The following C4orf51 variants were observed in gnomAD, a reference collection of about 807,000 sequenced individuals.
C4orf51 encodes uncharacterized protein C4orf51.
C4orf51 carries 25 observed loss-of-function variants against 25.2 expected under a neutral mutation model. The observed-to-expected ratio is 0.99, with a 90% CI of 0.72 to 1.39. The LOEUF (loss-of-function observed/expected upper bound fraction) is 1.39. Ranked by LOEUF, C4orf51 falls within the 40% of genes most tolerant of loss-of-function variation. The pLI is 0.00. For missense variants in C4orf51, 252 were observed against 239.6 expected (o/e 1.05, Z -0.34); for synonymous variants, 100 against 84.5 (o/e 1.18, Z -1.01).
At chr4:145,719,343 C>T (rs1731591851) in intron 2 of C4orf51, among the ~76,000 whole-genome samples, 1 of 152,156 alleles carries the variant, frequency 6.6e-6, no homozygotes. Flanking sequence ...TGGTGGCTCA[C>T]ACCTGTAATC....
chr4:145,774,171 G>C (rs181168961), downstream of C4orf51, among the ~76,000 whole-genome samples: 126 of 152,268 alleles, frequency 8.3e-4, 1 homozygote, highest in African/African-American at 2.7e-3. Flanking sequence ...GCTTAAATGA[G>C]AGCCAGTGTG....
At chr4:145,779,345 G>C in the C4orf51 span, 1 of 1,609,198 alleles carries the variant, frequency 6.2e-7, no homozygotes, top group Non-Finnish European at 8.5e-7. Flanking sequence ...GAGCATAGAG[G>C]GCTGACAGCC....
chr4:145,771,806 C>T (rs530277033), downstream of C4orf51, among the ~76,000 whole-genome samples: 27 of 152,326 alleles, frequency 1.8e-4, no homozygotes, highest in African/African-American at 5.8e-4. Context: ...CACAACTTCA[C>T]TTAGGTAACA....
chr4:145,735,561 C>T (rs1031034997), downstream of C4orf51, among the ~76,000 whole-genome samples: 2 of 152,092 alleles, frequency 1.3e-5, no homozygotes, highest in Non-Finnish European at 2.9e-5. Context: ...TGGAATGGGA[C>T]TGATAGGGCT....
chr4:145,687,652 T>C (rs554011815), intron 1 of C4orf51, among the ~76,000 whole-genome samples: 2 of 152,336 alleles, frequency 1.3e-5, no homozygotes, highest in East Asian at 3.9e-4. Context: ...CCAAAATTGT[T>C]TGAAAAGCAA....
intron 2 of C4orf51, among the ~76,000 whole-genome samples, chr4:145,721,216 G>T (rs1317301868): frequency 6.6e-6 from 1 of 151,874 alleles, no homozygotes; most frequent in Non-Finnish European, 1.5e-5. Flanking sequence ...GTGGTGGTGG[G>T]CGCCTATAGT....
intron 2 of C4orf51, among the ~76,000 whole-genome samples, chr4:145,717,142 C>T (rs554785823): frequency 1.4e-3 from 210 of 152,072 alleles, no homozygotes; most frequent in Non-Finnish European, 2.7e-3. Flanking sequence ...TCACCTGTGG[C>T]CTGCTAGACC....
chr4:145,749,571 CTGTTA>C lies in C4orf51; in HGVS notation n.168-4634_168-4630del, dbSNP rs551194786. 1.9e-3 allele frequency among the ~76,000 whole-genome samples: 283 copies of C among 151,542 alleles called. 3 individuals carry two copies. The highest frequency in any genetic ancestry group is 7.1e-3 in the South Asian group (34 of 4,784). ...TTCTTACTTTTTATTTTTTGTGTAT[CTGTTA>C]TATGTTTTTTGGTTTGAAGTTACTA... On this transcript the variant is annotated intron_variant and non_coding_transcript_variant, in intron 1 of 1. Coordinates refer to the C4orf51 transcript ENST00000508981.
At chr4:145,785,974 T>C in the C4orf51 span, among the ~76,000 whole-genome samples, 2 of 152,306 alleles carry the variant, frequency 1.3e-5, no homozygotes, top group East Asian at 1.9e-4. Context: ...AAGTGTAATA[T>C]GTCAAAACTT....
downstream of C4orf51, among the ~76,000 whole-genome samples, chr4:145,733,329 C>G (rs1033858593): frequency 2.6e-5 from 4 of 152,214 alleles, no homozygotes; most frequent in Admixed American, 6.5e-5. Context: ...GATTCCCCCC[C>G]ACCACCGCCC....
intron 4 of C4orf51, among the ~76,000 whole-genome samples, chr4:145,729,573 T>C (rs1278271331): frequency 6.6e-6 from 1 of 152,186 alleles, no homozygotes; most frequent in Non-Finnish European, 1.5e-5. Flanking sequence ...AGTGCTGGGA[T>C]TACAGGCGTG....
intron 2 of C4orf51, among the ~76,000 whole-genome samples, chr4:145,705,455 A>G (rs763623107): frequency 1.1e-4 from 16 of 151,978 alleles, no homozygotes; most frequent in Non-Finnish European, 1.9e-4. Context: ...CTAGCTACCT[A>G]CTGTAACATT....
intron 1 of C4orf51, among the ~76,000 whole-genome samples, chr4:145,693,341 G>A (rs1410889681): frequency 1.3e-5 from 2 of 150,784 alleles, no homozygotes; most frequent in Non-Finnish European, 3.0e-5. Flanking sequence ...GAGAGCACAG[G>A]GTTGGGGGTA....
At chr4:145,788,846 T>C in the C4orf51 span, among the ~76,000 whole-genome samples, 1 of 152,260 alleles carries the variant, frequency 6.6e-6, no homozygotes, top group Admixed American at 6.5e-5. Flanking sequence ...TAATCAGGCC[T>C]GAAAATCATG....
chr4:145,729,580 C>T (rs912169573), intron 4 of C4orf51, among the ~76,000 whole-genome samples: 13 of 152,280 alleles, frequency 8.5e-5, no homozygotes, highest in African/African-American at 2.2e-4. Context: ...GGATTACAGG[C>T]GTGAGCCACC....
intron 2 of C4orf51, among the ~76,000 whole-genome samples, chr4:145,719,970 T>G (rs979120636): frequency 3.9e-5 from 6 of 152,078 alleles, no homozygotes; most frequent in African/African-American, 7.2e-5. Flanking sequence ...CTTAGCAATG[T>G]GAGTATCTCG....
intron 1 of C4orf51, among the ~76,000 whole-genome samples, chr4:145,687,009 GGC>G (rs372166578): frequency 0.26 from 38,630 of 147,802 alleles, 5,526 homozygotes; most frequent in African/African-American, 0.39. Context: ...TTGTGGGGGG[GGC>G]GGTTTCCTTC....
At chr4:145,731,785 T>C (rs1732496605) in intron 5 of C4orf51, among the ~76,000 whole-genome samples, 1 of 151,980 alleles carries the variant, frequency 6.6e-6, no homozygotes, top group African/African-American at 2.4e-5. Flanking sequence ...TTTCACTGTG[T>C]TGGCCAGGCT....
chr4:145,711,397 A>G (rs1731119463), intron 2 of C4orf51, among the ~76,000 whole-genome samples: 1 of 152,144 alleles, frequency 6.6e-6, no homozygotes, highest in Non-Finnish European at 1.5e-5. Flanking sequence ...CTTTGGGTTG[A>G]ATCTGTTTGG....
Sources: gnomAD v4.1 joint callset for allele counts (sites outside exome capture counted in the v4.1 genomes callset) on GRCh38, gnomAD v4.1.1 for gene constraint, MANE v1.5 for transcripts, NCBI Gene and HGNC (gene_info 2026-07-23, HGNC 2026-07-21) for gene names.